Variants in DTNA observed in about 807,000 individuals in gnomAD.
DTNA encodes dystrobrevin alpha.
A neutral mutation model predicts 100.7 loss-of-function variants in DTNA; 43 were observed. That is an observed-to-expected ratio of 0.43 (90% CI 0.33 to 0.55). DTNA has a LOEUF of 0.55. Ranked by LOEUF, DTNA falls within the 20% of genes least tolerant of loss-of-function variation. The probability of loss-of-function intolerance (pLI) is 0.04; values close to 1 mark genes in which losing one functional copy is unlikely to be tolerated. For missense variants in DTNA, 798 were observed against 953.9 expected (o/e 0.84, Z 2.15); for synonymous variants, 349 against 347.9 (o/e 1.00, Z -0.04).
At chr18:34,668,637 G>T (rs538762678) in intron 1 of DTNA, among the ~76,000 whole-genome samples, 18 of 151,890 alleles carry the variant, frequency 1.2e-4, no homozygotes, top group South Asian at 1.0e-3. Flanking sequence ...CTTTGTTCTC[G>T]TTGGTTTCAA....
At chr18:34,853,494 AG>A (rs2096510408) in intron 15 of DTNA, among the ~76,000 whole-genome samples, 1 of 152,152 alleles carries the variant, frequency 6.6e-6, no homozygotes, top group South Asian at 2.1e-4. Flanking sequence ...TAGTAAGGAA[AG>A]CTTTTGGCTT....
At chr18:34,586,562 C>T (rs1327013384) in intron 1 of DTNA, among the ~76,000 whole-genome samples, 1 of 152,104 alleles carries the variant, frequency 6.6e-6, no homozygotes, top group African/African-American at 2.4e-5. Flanking sequence ...CAGACTCCAT[C>T]CAGTTTGGCT....
rs2096960303 is a variant in DTNA, at chr18:34,890,634, A to G, written c.*2900A>G. On this transcript the variant is annotated 3_prime_UTR_variant, in exon 23 of 23. Transcript: ENST00000444659. ...TTAATGGAGGAGGGGAGGAAGGTGA[A>G]ATCTACTGCATGGGATTCAGGAAAC... 3.4e-6 allele frequency: 3 copies of G among 880,830 alleles called. No individual in the cohort carries two copies. The highest frequency in any genetic ancestry group is 1.7e-5 in the African/African-American group (1 of 59,018). The allele number at this position is 880,830 out of a possible 1,614,324, so 54.6% of individuals were successfully genotyped here.
intron 1 of DTNA, among the ~76,000 whole-genome samples, chr18:34,506,847 A>C (rs1601239183): frequency 6.6e-6 from 1 of 152,256 alleles, no homozygotes; most frequent in African/African-American, 2.4e-5. Flanking sequence ...CAGGGGTTTC[A>C]GTTGTACTTA....
intron 3 of DTNA, among the ~76,000 whole-genome samples, chr18:34,773,452 G>C (rs1050476665): frequency 2.6e-5 from 4 of 152,184 alleles, no homozygotes; most frequent in Non-Finnish European, 5.9e-5. Flanking sequence ...CCTAGTCAAG[G>C]AGCCAGCAGG....
intron 1 of DTNA, among the ~76,000 whole-genome samples, chr18:34,742,297 C>A (rs561785499): frequency 3.3e-5 from 5 of 152,248 alleles, no homozygotes; most frequent in African/African-American, 4.8e-5. Flanking sequence ...GTTCTGAGAT[C>A]CAGAAGTCTG....
chr18:34,838,945 T>C (rs1603080205), intron 13 of DTNA, 108 bp downstream of exon 13: 1 of 875,776 alleles, frequency 1.1e-6, no homozygotes, highest in East Asian at 2.5e-5. Context: ...GTGGTGACAC[T>C]GAAGCACTGT....
At chr18:34,592,022 T>A (rs2049785659) in intron 1 of DTNA, among the ~76,000 whole-genome samples, 1 of 152,210 alleles carries the variant, frequency 6.6e-6, no homozygotes, top group Non-Finnish European at 1.5e-5. Context: ...CTTTCTGGCA[T>A]CTACGTTTTG....
intron 3 of DTNA, among the ~76,000 whole-genome samples, chr18:34,772,420 A>G (rs1327845366): frequency 6.6e-6 from 1 of 152,166 alleles, no homozygotes; most frequent in East Asian, 1.9e-4. Context: ...TTTTACCTAA[A>G]TGTTTCTCTA....
chr18:34,818,004 G>T (rs2095633668), intron 7 of DTNA, 160 bp from the exon 8 acceptor site: 1 of 1,525,884 alleles, frequency 6.6e-7, no homozygotes, highest in South Asian at 1.2e-5. Context: ...AGGGTTGTAA[G>T]ATTCCAGGAA....
At chr18:34,813,294 C>G (rs79016300) in intron 6 of DTNA, among the ~76,000 whole-genome samples, 226 of 151,608 alleles carry the variant, frequency 1.5e-3, no homozygotes, top group South Asian at 2.7e-3. Flanking sequence ...TAGGGAAACC[C>G]CATTTCTACG....
chr18:34,808,356 C>T (rs2095414808), intron 5 of DTNA, among the ~76,000 whole-genome samples: 1 of 152,180 alleles, frequency 6.6e-6, no homozygotes, highest in Non-Finnish European at 1.5e-5. Context: ...ACAGGAGTCA[C>T]ATCTCACTAC....
At chr18:34,717,438 A>G (rs1239143841) in intron 1 of DTNA, among the ~76,000 whole-genome samples, 1 of 152,196 alleles carries the variant, frequency 6.6e-6, no homozygotes, top group Non-Finnish European at 1.5e-5. Context: ...CCTTTTATCT[A>G]CAGAAATACA....
At chr18:34,858,526 A>G in intron 16 of DTNA, 128 bp downstream of exon 16, 2 of 875,660 alleles carry the variant, frequency 2.3e-6, no homozygotes, top group Middle Eastern at 2.4e-4. Context: ...TTTTCATAGC[A>G]CACACGTAAT....
At chr18:34,513,033 A>G (rs1162486559) in intron 1 of DTNA, among the ~76,000 whole-genome samples, 2 of 152,136 alleles carry the variant, frequency 1.3e-5, no homozygotes, top group South Asian at 2.1e-4. Flanking sequence ...AAACTTTAAT[A>G]GTTGCCTAGG....
chr18:34,616,695 A>G (rs956305801), intron 1 of DTNA, among the ~76,000 whole-genome samples: 1 of 152,336 alleles, frequency 6.6e-6, no homozygotes, highest in Non-Finnish European at 1.5e-5. Context: ...AATAGCATTG[A>G]ATCTGTAAAT....
chr18:34,661,645 G>C (rs1485607799), intron 1 of DTNA, among the ~76,000 whole-genome samples: 4 of 152,106 alleles, frequency 2.6e-5, no homozygotes, highest in Non-Finnish European at 5.9e-5. Context: ...CAGGATGAAT[G>C]AACATTCAGC....
intron 4 of DTNA, among the ~76,000 whole-genome samples, chr18:34,796,771 G>C (rs2094990519): frequency 6.6e-6 from 1 of 152,142 alleles, no homozygotes. Context: ...CATTTTGTGG[G>C]GGAGGGGATG....
intron 14 of DTNA, among the ~76,000 whole-genome samples, chr18:34,849,534 G>A (rs557340406): frequency 5.3e-5 from 8 of 152,264 alleles, no homozygotes; most frequent in African/African-American, 1.4e-4. Context: ...TGTCAGTGCT[G>A]CCTGTTATTA....
Sources: allele counts gnomAD v4.1 joint callset (sites outside exome capture counted in the v4.1 genomes callset), GRCh38; gene constraint gnomAD v4.1.1; transcripts MANE v1.5; gene names NCBI Gene and HGNC (gene_info 2026-07-23, HGNC 2026-07-21).